TOX2: variants seen among roughly 807,000 people sequenced by gnomAD.
TOX2 encodes TOX high mobility group box family member 2, also known as granulosa cell HMG box 1.
TOX2 carries 15 observed loss-of-function variants against 47.4 expected under a neutral mutation model. The observed-to-expected ratio is 0.32, with a 90% CI of 0.21 to 0.49. The LOEUF (loss-of-function observed/expected upper bound fraction) is 0.49, where lower values mean the gene tolerates loss of function less well. Ranked by LOEUF, TOX2 falls within the 20% of genes least tolerant of loss-of-function variation. The pLI is 0.99. For missense variants in TOX2, 622 were observed against 673.1 expected, an observed-to-expected ratio of 0.92 and a Z score of 0.84; for synonymous variants, 290 against 296.6, an observed-to-expected ratio of 0.98 and a Z score of 0.23.
chr20:43,969,101 C>T (rs974099875), intron 1 of TOX2, among the ~76,000 whole-genome samples: 15 of 152,300 alleles, frequency 9.8e-5, no homozygotes, highest in African/African-American at 3.1e-4. Context: ...TCCTTGTGTG[C>T]GTGCTGTGGT....
At chr20:43,989,069 T>C (rs1376036970) in intron 2 of TOX2, among the ~76,000 whole-genome samples, 1 of 152,200 alleles carries the variant, frequency 6.6e-6, no homozygotes, top group African/African-American at 2.4e-5. Context: ...AGTGTGGTCA[T>C]GGACATGCAG....
chr20:44,008,482 C>T (rs1054926806), intron 3 of TOX2, among the ~76,000 whole-genome samples: 11 of 152,086 alleles, frequency 7.2e-5, no homozygotes, highest in Non-Finnish European at 1.5e-4. Flanking sequence ...ATTGCTTGAA[C>T]CTGGGAGGTA....
At chr20:43,933,672 G>T (rs1395875526) in intron 1 of TOX2, among the ~76,000 whole-genome samples, 2 of 152,164 alleles carry the variant, frequency 1.3e-5, no homozygotes, top group Non-Finnish European at 2.9e-5. Context: ...TGGAGGCTGG[G>T]GTGTTGCCTC....
At chr20:43,963,461 C>T (rs191802831) in intron 1 of TOX2, among the ~76,000 whole-genome samples, 1 of 152,280 alleles carries the variant, frequency 6.6e-6, no homozygotes, top group Admixed American at 6.5e-5. Context: ...ATGAGGTCAC[C>T]TTCTCTGGTT....
chr20:43,947,214 A>G (rs1319836169), intron 1 of TOX2, among the ~76,000 whole-genome samples: 1 of 152,206 alleles, frequency 6.6e-6, no homozygotes, highest in African/African-American at 2.4e-5. Flanking sequence ...CATAAATACA[A>G]TCTGTGACAT....
At chr20:44,042,414 G>T (rs2071347076) in intron 3 of TOX2, among the ~76,000 whole-genome samples, 1 of 152,204 alleles carries the variant, frequency 6.6e-6, no homozygotes, top group Admixed American at 6.5e-5. Context: ...AGCAACACTG[G>T]TTGTAACCAA....
intron 2 of TOX2, among the ~76,000 whole-genome samples, chr20:43,990,556 G>A (rs888670369): frequency 1.3e-5 from 2 of 152,336 alleles, no homozygotes; most frequent in Admixed American, 1.3e-4. Context: ...GGAGGACAAT[G>A]GCATGAGCAG....
intron 2 of TOX2, among the ~76,000 whole-genome samples, chr20:43,987,145 C>T (rs1377906986): frequency 6.6e-6 from 1 of 152,110 alleles, no homozygotes; most frequent in Non-Finnish European, 1.5e-5. Flanking sequence ...AGACTGGATA[C>T]ATGATTCTGA....
At chr20:44,053,334 C>A (rs1361410172) in intron 4 of TOX2, among the ~76,000 whole-genome samples, 1 of 151,974 alleles carries the variant, frequency 6.6e-6, no homozygotes, top group Non-Finnish European at 1.5e-5. Context: ...AGGGACTAAG[C>A]CACCTGCTCA....
intron 3 of TOX2, among the ~76,000 whole-genome samples, chr20:44,050,356 C>T (rs568401386): frequency 3.3e-5 from 5 of 152,208 alleles, no homozygotes; most frequent in African/African-American, 1.2e-4. Context: ...AAAGAAACAA[C>T]CCACATAAAA....
intron 2 of TOX2, among the ~76,000 whole-genome samples, chr20:43,999,997 A>T (rs1046965419): frequency 2.6e-5 from 4 of 152,244 alleles, no homozygotes; most frequent in African/African-American, 9.6e-5. Flanking sequence ...TTGAGAGCAG[A>T]GTATTCTAAA....
At chr20:43,998,438 G>A (rs2070516222) in intron 2 of TOX2, among the ~76,000 whole-genome samples, 1 of 152,146 alleles carries the variant, frequency 6.6e-6, no homozygotes, top group East Asian at 1.9e-4. Flanking sequence ...CATTTGAAAG[G>A]AATAAATCAA....
Position 44,006,683 on chromosome 20 carries a change from C to T in TOX2, c.302C>T (p.Pro101Leu). ...CACTCGCTGTGCCACGGCCTCACCCCCAACGGTCTGCTCCCTGCCTACTCC... is the reference window on the plus strand; with the variant it reads ...CACTCGCTGTGCCACGGCCTCACCCTCAACGGTCTGCTCCCTGCCTACTCC... The part of the protein sequence containing the change: ...SYHSLCHGLT[P>L]NGLLPAYSYQ... Residue 101 changes from proline (P) to leucine (L), a missense_variant, in exon 3 of 9, where the codon CCC becomes CTC. Pro to Leu is a moderately conservative substitution (Grantham distance 98). Around this residue, in one of 3 missense-constraint regions of TOX2, gnomAD observed 307 missense variants for 327.3 expected, o/e 0.94. Coordinates refer to ENST00000341197, the MANE Select transcript of TOX2 (RefSeq NM_001098797.2). 1.2e-6 allele frequency: 2 copies of T among 1,614,096 alleles called. No individual in the cohort carries two copies. The highest frequency in any genetic ancestry group is 1.6e-4 in the Middle Eastern group (1 of 6,062).
Position 44,066,348 on chromosome 20 carries a change from C to A in TOX2, c.1356+241C>A, listed in dbSNP as rs6130513. On this transcript the variant is annotated intron_variant, in intron 7 of 8. Transcript: ENST00000341197. The stretch of plus-strand genomic sequence containing the variant: ...TGACTCTTAGGATACTCCAGTCCCC[C>A]CTTCCTGCATCCTCAGCCCTAGCCC... Among the ~76,000 whole-genome samples, 899 of 152,318 alleles carry A rather than the reference C, an allele frequency of 5.9e-3. 3 individuals are homozygous for A. Among genetic ancestry groups the A allele is most frequent in the Non-Finnish European group, 9.9e-3 (674 of 68,032 alleles).
At chr20:44,039,762 A>G (rs989517033) in intron 3 of TOX2, among the ~76,000 whole-genome samples, 9 of 151,184 alleles carry the variant, frequency 6.0e-5, no homozygotes, top group African/African-American at 2.2e-4. Flanking sequence ...GAATCGTCCC[A>G]CTGAGGGGAG....
chr20:44,024,500 TAAA>T (rs2071028499), intron 3 of TOX2, among the ~76,000 whole-genome samples: 1 of 152,166 alleles, frequency 6.6e-6, no homozygotes, highest in African/African-American at 2.4e-5. Context: ...TGTTTAATAA[TAAA>T]AAGTTTATGG....
intron 1 of TOX2, among the ~76,000 whole-genome samples, chr20:43,963,917 G>T (rs1315676771): frequency 6.6e-6 from 1 of 152,132 alleles, no homozygotes; most frequent in African/African-American, 2.4e-5. Context: ...AAGAGAGGTA[G>T]TTATAGCAAC....
chr20:44,011,439 T>C (rs1277652079), intron 3 of TOX2, among the ~76,000 whole-genome samples: 1 of 151,628 alleles, frequency 6.6e-6, no homozygotes, highest in Non-Finnish European at 1.5e-5. Flanking sequence ...TGTGTGGTGC[T>C]CTGTGCCCGG....
intron 3 of TOX2, among the ~76,000 whole-genome samples, chr20:44,008,893 A>G (rs2070733424): frequency 6.6e-6 from 1 of 152,242 alleles, no homozygotes; most frequent in African/African-American, 2.4e-5. Context: ...TTTCCACACA[A>G]CAGGCTTGAT....
Sources: allele counts gnomAD v4.1 joint callset (sites outside exome capture counted in the v4.1 genomes callset), GRCh38; gene constraint gnomAD v4.1.1; regional missense constraint gnomAD v4.1.1; transcripts MANE v1.5; gene names NCBI Gene and HGNC (gene_info 2026-07-23, HGNC 2026-07-21).